INCENP: variants seen among roughly 807,000 people sequenced by gnomAD.
INCENP encodes binds and activates aurora-B and -C in vivo and in vitro.
INCENP carries 43 observed loss-of-function variants against 107.3 expected under a neutral mutation model. The ratio of observed to expected loss-of-function variants is 0.40; its 90% CI spans 0.31 to 0.52. The LOEUF (loss-of-function observed/expected upper bound fraction) is 0.52. Ranked by LOEUF, INCENP falls within the 20% of genes least tolerant of loss-of-function variation. The probability of loss-of-function intolerance (pLI) is 0.53; values close to 1 mark genes in which losing one functional copy is unlikely to be tolerated. For synonymous variants in INCENP, 488 were observed against 494.4 expected, an observed-to-expected ratio of 0.99 and a Z score of 0.17; for missense variants, 1,089 against 1,250.9, an observed-to-expected ratio of 0.87 and a Z score of 1.95.
intron 11 of INCENP, among the ~76,000 whole-genome samples, chr11:62,142,458 T>A (rs1944145246): frequency 6.6e-6 from 1 of 152,188 alleles, no homozygotes. Flanking sequence ...CAGGAAGTGG[T>A]CCCCTTTCCT....
At chr11:62,150,257 C>T (rs1395309515) in intron 18 of INCENP, 50 bp downstream of exon 18, 2 of 1,593,046 alleles carry the variant, frequency 1.3e-6, no homozygotes, top group Non-Finnish European at 1.7e-6. Context: ...CCCTGGTCCT[C>T]ACCTTGAGGG....
rs752058507 is a variant in INCENP at position 62,151,935 on chromosome 11, AG to A, written c.2719del (p.Val907SerfsTer9). 2 of 1,612,852 alleles carry A rather than the reference AG, an allele frequency of 1.2e-6. No individual in the cohort carries two copies. The highest frequency in any genetic ancestry group is 8.5e-7 in the Non-Finnish European group (1 of 1,180,012). On this transcript the variant is annotated frameshift_variant, in exon 19 of 19. Coordinates refer to ENST00000394818, the MANE Select transcript of INCENP (RefSeq NM_001040694.2). LOFTEE classifies it high-confidence loss of function. ...VWNSPPLQGA[R>X]VPSSLAYSLK... ...GAACTCACCGCCCCTGCAGGGCGCC[AG>A]GGTCCCCAGCAGCCTGGCCTACAGC... is the stretch of plus-strand genomic sequence containing the variant.
rs1279589271 is a variant in INCENP at position 62,138,732 on chromosome 11, C to G, written c.1135C>G (p.Pro379Ala). The change falls in exon 6 of 19, where the codon CCC becomes GCC. Residue 379 changes from proline to alanine, a missense_variant. Transcript: ENST00000394818. ...TTTCAGTTCTGAGCAGAAGGAACCC[C>G]CCGAGGAGGCTGAGCCTGTGGCGGC... ...QKVGSEQKEP[P>A]EEAEPVAAAE... is the part of the protein sequence containing the mutation. 2 of 1,614,030 alleles carry G rather than the reference C, an allele frequency of 1.2e-6. No homozygotes were observed. Among genetic ancestry groups the G allele is most frequent in the Non-Finnish European group, 1.7e-6 (2 of 1,180,016 alleles).
intron 16 of INCENP, 62 bp from the exon 17 acceptor site, chr11:62,148,677 G>T: frequency 7.0e-7 from 1 of 1,436,764 alleles, no homozygotes. Context: ...GCGGAGGGAA[G>T]GGGAGGGGAG....
At chr11:62,149,147 A>AAC (rs3082974) in intron 17 of INCENP, among the ~76,000 whole-genome samples, 3,301 of 146,584 alleles carry the variant, frequency 0.023, 122 homozygotes, top group African/African-American at 0.076. Context: ...TAACCCTTTT[A>AAC]ACACACACAC....
chr11:62,128,673 T>C, intron 2 of INCENP, 97 bp from the exon 3 acceptor site: 1 of 870,104 alleles, frequency 1.1e-6, no homozygotes, highest in Non-Finnish European at 1.9e-6. Context: ...CAGCTTGACC[T>C]GTCGCTGCCA....
At chr11:62,135,861 G>A (rs1383201921) in intron 4 of INCENP, among the ~76,000 whole-genome samples, 1 of 151,920 alleles carries the variant, frequency 6.6e-6, no homozygotes, top group African/African-American at 2.4e-5. Context: ...CCAGGCTGGA[G>A]TGCAGTGGCA....
intron 7 of INCENP, 48 bp downstream of exon 7, chr11:62,139,053 C>T (rs762552643): frequency 5.1e-6 from 7 of 1,365,202 alleles, no homozygotes; most frequent in Non-Finnish European, 7.3e-6. Context: ...CCACAGCGGG[C>T]CTTGGCGGCC....
At position 62,150,073 on chromosome 11, in the gene INCENP, C is replaced by T. The variant is rs1424761148; in HGVS notation, c.2408C>T (p.Ser803Leu). ...TTTTTGCAGTCTCCAGCTTGTACCTCATATCAGATGACTCCGCAAGGGCAC... is the reference window on the plus strand; with the variant it reads ...TTTTTGCAGTCTCCAGCTTGTACCTTATATCAGATGACTCCGCAAGGGCAC... The part of the protein sequence containing the change: ...TVDVQSPACT[S>L]YQMTPQGHRA... The change falls in exon 18 of 19, where the codon TCA (serine) becomes TTA (leucine). Residue 803 changes from serine to leucine, a missense_variant. By Grantham distance (145) the Ser-to-Leu change is moderately radical. Coordinates refer to ENST00000394818, the MANE Select transcript of INCENP (RefSeq NM_001040694.2). 6.2e-7 allele frequency: 1 copy of T among 1,614,006 alleles called. No homozygotes were observed. The highest frequency in any genetic ancestry group is 1.7e-5 in the Admixed American group (1 of 60,016).
chr11:62,128,764 A>C lies in INCENP; in HGVS notation c.141-6A>C. The C allele has an allele frequency of 6.2e-7, 1 of 1,607,394 alleles. No homozygotes were observed. Among genetic ancestry groups the C allele is most frequent in the Non-Finnish European group, 8.5e-7 (1 of 1,173,856 alleles). ...CCTCGAGTGACACCCTCCTTGTGCC[A>C]AACAGAGAATTCAGCAAAGAGCCAG... On this transcript the variant is annotated splice_polypyrimidine_tract_variant and splice_region_variant and intron_variant, in intron 2 of 18. Coordinates refer to ENST00000394818, the MANE Select transcript of INCENP (RefSeq NM_001040694.2).
chr11:62,135,961 C>T (rs1369378882), intron 4 of INCENP, among the ~76,000 whole-genome samples: 1 of 152,128 alleles, frequency 6.6e-6, no homozygotes, highest in Non-Finnish European at 1.5e-5. Flanking sequence ...AGGCGCCCAC[C>T]ACTACGCCCG....
chr11:62,130,665 T>A, intron 4 of INCENP, 75 bp downstream of exon 4: 1 of 1,328,990 alleles, frequency 7.5e-7, no homozygotes, highest in Non-Finnish European at 1.1e-6. Context: ...AGGGATCATC[T>A]AGCAAGGAGC....
At chr11:62,141,702 C>T (rs1008818898) in intron 11 of INCENP, 191 bp downstream of exon 11, 1 of 730,324 alleles carries the variant, frequency 1.4e-6, no homozygotes, top group African/African-American at 1.7e-5. Context: ...CCCCAGCGTC[C>T]TTCTCTGCCC....
At position 62,130,456 on chromosome 11, in the gene INCENP, C is replaced by T. The variant is rs374353979; in HGVS notation, c.929C>T (p.Pro310Leu). ...SQSVRHSPIA[P>L]SSPSPQVLAQ... is the part of the protein sequence containing the mutation. ...TCGGTGCGGCACAGCCCGATCGCCC[C>T]GTCTTCCCCGAGTCCCCAAGTCTTA... Residue 310 changes from proline to leucine, a missense_variant, in exon 4 of 19, where the codon CCG becomes CTG. Physicochemically the swap from Pro to Leu is moderately conservative, Grantham distance 98. Coordinates refer to ENST00000394818, the MANE Select transcript of INCENP (RefSeq NM_001040694.2). 26 of 1,614,096 alleles carry T rather than the reference C, an allele frequency of 1.6e-5. No homozygotes were observed. The highest frequency in any genetic ancestry group is 1.2e-4 in the African/African-American group (9 of 75,074).
At position 62,153,153 on chromosome 11, in the gene INCENP, A is replaced by G. The variant is rs991817654; in HGVS notation, c.*1177A>G. The G allele has an allele frequency of 1.3e-5, 2 of 152,268 alleles. No individual in the cohort carries two copies. The highest frequency in any genetic ancestry group is 2.9e-5 in the Non-Finnish European group (2 of 68,048). The allele number at this position is 152,268 out of a possible 1,614,324, so 9.4% of individuals were successfully genotyped here. ...TAAGGACAAAATAAAGCCTAAATCC[A>G]AGAACACTTTTAAAAATGAGGAAAT... On this transcript the variant is annotated 3_prime_UTR_variant, in exon 19 of 19. Transcript: ENST00000394818.
Position 62,140,306 on chromosome 11 carries a change from G to A in INCENP, c.1343+21G>A, listed in dbSNP as rs757676613. ...GCCAGGTTTGCATCCGGGAAGGGGT[G>A]TGTAGGTAACTCTGAGGGCCCTGGA... On this transcript the variant is annotated intron_variant, in intron 8 of 18. Transcript: ENST00000394818. 4 of 1,609,070 alleles carry A rather than the reference G, an allele frequency of 2.5e-6. No individual in the cohort carries two copies. In the African/African-American group the frequency reaches 4.0e-5, roughly 16 times the overall value.
chr11:62,144,520 T>C (rs1310659357), intron 11 of INCENP, among the ~76,000 whole-genome samples: 1 of 152,212 alleles, frequency 6.6e-6, no homozygotes, highest in Non-Finnish European at 1.5e-5. Flanking sequence ...ACATATAGTA[T>C]GGATATTATA....
chr11:62,138,827 A>G lies in INCENP; in HGVS notation c.1173+57A>G, dbSNP rs1614060. On this transcript the variant is annotated intron_variant, in intron 6 of 18. Transcript: ENST00000394818. Reference sequence around the variant, plus strand: ...ACCTCTGGGGCTCCCGCTCTGCACTACGGCCATCCTGGGCCTTGGGTTCCA... The same window carrying G: ...ACCTCTGGGGCTCCCGCTCTGCACTGCGGCCATCCTGGGCCTTGGGTTCCA... 0.87 allele frequency: 1,388,510 copies of G among 1,604,986 alleles called. 610,475 individuals are homozygous for G. The highest frequency in any genetic ancestry group is 0.93 in the Middle Eastern group (5,613 of 6,052).
rs573550184 is a variant in INCENP, at chr11:62,145,383, C to A, written c.1836+94C>A. On this transcript the variant is annotated intron_variant, in intron 13 of 18. Transcript: ENST00000394818. ...AGGAAATTGCAGATTTGTCACTGTA[C>A]CCCTGTACCCATCTCCTGTCTGCCC... 1.8e-4 allele frequency: 273 copies of A among 1,539,184 alleles called. 1 individual carries two copies. The South Asian group carries it at 3.1e-3, about 18-fold the overall frequency.
Sources: gnomAD v4.1 joint callset for allele counts (sites outside exome capture counted in the v4.1 genomes callset) on GRCh38, gnomAD v4.1.1 for gene constraint, MANE v1.5 for transcripts, NCBI Gene and HGNC (gene_info 2026-07-23, HGNC 2026-07-21) for gene names.